MMP16: variants seen among roughly 807,000 people sequenced by gnomAD.
MMP16 encodes matrix metalloproteinase-16.
Under a neutral mutation model 67.8 loss-of-function variants are expected in MMP16, and 12 were observed. The ratio of observed to expected loss-of-function variants is 0.18; its 90% CI spans 0.11 to 0.29. The LOEUF (loss-of-function observed/expected upper bound fraction) is 0.29, where lower values mean the gene tolerates loss of function less well. Among genes scored for constraint, MMP16 ranks in the 10% least tolerant of loss-of-function variants. MMP16 has a pLI of 1.00. For synonymous variants in MMP16, 249 were observed against 255.9 expected, an observed-to-expected ratio of 0.97 and a Z score of 0.26; for missense variants, 475 against 765.7, an observed-to-expected ratio of 0.62 and a Z score of 4.48.
intron 1 of MMP16, among the ~76,000 whole-genome samples, chr8:88,300,786 A>C (rs1811085473): frequency 6.6e-6 from 1 of 152,140 alleles, no homozygotes; most frequent in Non-Finnish European, 1.5e-5. Context: ...AAGAGAGAGA[A>C]TCGGAAAGTA....
chr8:88,250,053 G>A (rs1430879043), intron 1 of MMP16, among the ~76,000 whole-genome samples: 2 of 151,922 alleles, frequency 1.3e-5, no homozygotes, highest in Admixed American at 6.6e-5. Flanking sequence ...TTCCTTTAAT[G>A]CAGCTGCTTC....
In MMP16 at chr8:88,044,321, C is replaced by T. The variant is rs377529514; in HGVS notation, c.1489+2348G>A. Among the ~76,000 whole-genome samples the T allele has an allele frequency of 4.6e-5, 7 of 152,172 alleles. No homozygotes were observed. The East Asian group carries it at 1.2e-3, about 25-fold the overall frequency. ...TGAGATGAGACCCTGTCTCAGAAAA[C>T]AAATGTCTAGTTACTAGGAGATAGA... On this transcript the variant is annotated intron_variant, in intron 9 of 9. Transcript: ENST00000286614.
intron 1 of MMP16, among the ~76,000 whole-genome samples, chr8:88,247,707 A>T (rs1177440596): frequency 1.2e-4 from 19 of 152,152 alleles, no homozygotes; most frequent in Non-Finnish European, 2.9e-5. Flanking sequence ...TCATGAATAT[A>T]GAATAGGCAA....
chr8:88,319,752 C>T (rs1811429885), intron 1 of MMP16, among the ~76,000 whole-genome samples: 1 of 152,098 alleles, frequency 6.6e-6, no homozygotes, highest in Non-Finnish European at 1.5e-5. Context: ...CCAGCTTACC[C>T]TAAAAAATGG....
At chr8:88,158,891 C>T (rs1249674198) in intron 4 of MMP16, among the ~76,000 whole-genome samples, 1 of 152,164 alleles carries the variant, frequency 6.6e-6, no homozygotes, top group African/African-American at 2.4e-5. Context: ...TACGGCTAGC[C>T]AGTTTTCCCA....
chr8:88,293,832 A>G (rs1051377539), intron 1 of MMP16, among the ~76,000 whole-genome samples: 1 of 152,152 alleles, frequency 6.6e-6, no homozygotes, highest in Non-Finnish European at 1.5e-5. Flanking sequence ...TCTTCTTTAC[A>G]TAAAGCTATC....
At chr8:88,159,557 T>A (rs1363948743) in intron 4 of MMP16, among the ~76,000 whole-genome samples, 4 of 152,138 alleles carry the variant, frequency 2.6e-5, no homozygotes, top group African/African-American at 9.7e-5. Context: ...TTTCTAAATA[T>A]ACAATCATGT....
chr8:88,207,648 GCTAC>G (rs1809450496), intron 1 of MMP16, among the ~76,000 whole-genome samples: 1 of 151,670 alleles, frequency 6.6e-6, no homozygotes, highest in African/African-American at 2.4e-5. Context: ...TGCAGCTGAG[GCTAC>G]CTGTCATTTC....
chr8:88,205,852 T>A (rs1809417242), intron 1 of MMP16, among the ~76,000 whole-genome samples: 1 of 152,232 alleles, frequency 6.6e-6, no homozygotes, highest in South Asian at 2.1e-4. Flanking sequence ...ATCACACTGC[T>A]GTTTAAATAA....
At chr8:88,073,971 T>C (rs992259942) in intron 7 of MMP16, among the ~76,000 whole-genome samples, 1 of 152,142 alleles carries the variant, frequency 6.6e-6, no homozygotes, top group Non-Finnish European at 1.5e-5. Flanking sequence ...GATATAAGAT[T>C]TGTGGTTTTG....
chr8:88,234,820 A>G (rs1463241950), intron 1 of MMP16, among the ~76,000 whole-genome samples: 1 of 152,194 alleles, frequency 6.6e-6, no homozygotes, highest in East Asian at 1.9e-4. Context: ...CCTTTATTCC[A>G]CTTATTCATT....
At chr8:88,043,093 G>A (rs1243127750) in intron 9 of MMP16, among the ~76,000 whole-genome samples, 2 of 152,158 alleles carry the variant, frequency 1.3e-5, no homozygotes, top group Non-Finnish European at 2.9e-5. Context: ...AAGTTTAGTA[G>A]ATGACCTGTC....
intron 1 of MMP16, among the ~76,000 whole-genome samples, chr8:88,318,520 A>G (rs1811407251): frequency 6.6e-6 from 1 of 152,160 alleles, no homozygotes; most frequent in African/African-American, 2.4e-5. Context: ...ATGGAACTGG[A>G]TCAAATTATC....
chr8:88,311,757 T>C (rs1811298270), intron 1 of MMP16, among the ~76,000 whole-genome samples: 1 of 152,074 alleles, frequency 6.6e-6, no homozygotes, highest in African/African-American at 2.4e-5. Flanking sequence ...ACCACTGTAC[T>C]AGATCACAGT....
intron 4 of MMP16, among the ~76,000 whole-genome samples, chr8:88,138,935 G>A (rs1224305872): frequency 6.6e-6 from 1 of 152,042 alleles, no homozygotes; most frequent in Non-Finnish European, 1.5e-5. Context: ...TGTTTTTCAG[G>A]TTCACTCAAT....
chr8:88,097,856 G>A (rs111853618), intron 6 of MMP16, among the ~76,000 whole-genome samples: 60 of 151,960 alleles, frequency 3.9e-4, no homozygotes, highest in African/African-American at 1.3e-3. Flanking sequence ...GTGTCACTGA[G>A]TTGAAGAAAT....
intron 1 of MMP16, among the ~76,000 whole-genome samples, chr8:88,300,109 G>A (rs1427606549): frequency 6.6e-6 from 1 of 152,152 alleles, no homozygotes; most frequent in African/African-American, 2.4e-5. Flanking sequence ...CTCTGGAAAA[G>A]AGTGGCCAAT....
intron 3 of MMP16, among the ~76,000 whole-genome samples, chr8:88,168,877 T>C (rs1808757331): frequency 6.6e-6 from 1 of 152,144 alleles, no homozygotes; most frequent in South Asian, 2.1e-4. Context: ...ATTTTTGATT[T>C]TTTTTTTCTT....
chr8:88,241,033 T>C (rs1283647724), intron 1 of MMP16, among the ~76,000 whole-genome samples: 1 of 152,034 alleles, frequency 6.6e-6, no homozygotes, highest in African/African-American at 2.4e-5. Flanking sequence ...CTCGTGAATC[T>C]TGAACTTTTA....
Sources: allele counts gnomAD v4.1 joint callset (sites outside exome capture counted in the v4.1 genomes callset), GRCh38; gene constraint gnomAD v4.1.1; transcripts MANE v1.5; gene names NCBI Gene and HGNC (gene_info 2026-07-23, HGNC 2026-07-21).